SPPL3: variants seen among roughly 807,000 people sequenced by gnomAD.
SPPL3 encodes signal peptide peptidase-like 3.
In SPPL3, 5 loss-of-function variants were observed where a neutral mutation model predicts 42.4. That is an observed-to-expected ratio of 0.12 (90% CI 0.06 to 0.25). SPPL3 has a LOEUF of 0.25. Among genes scored for constraint, SPPL3 ranks in the 10% least tolerant of loss-of-function variants. SPPL3 has a pLI of 1.00. For synonymous variants in SPPL3, 195 were observed against 181.8 expected (o/e 1.07, Z -0.58); for missense variants, 235 against 489.0 (o/e 0.48, Z 4.90).
rs57779322 is a variant in SPPL3 at position 120,778,111 on chromosome 12, ATTTTTTT to A, written c.502+4537_502+4543del. 2.2e-4 allele frequency among the ~76,000 whole-genome samples: 20 copies of A among 90,946 alleles called. No individual in the cohort carries two copies. In the East Asian group the frequency reaches 5.5e-3, roughly 25 times the overall value. The allele number at this position is 90,946 out of a possible 152,430, so 59.7% of individuals were successfully genotyped here. A position where few individuals can be genotyped will look rare whatever the true frequency, so the allele number is the denominator to read the frequency against. The stretch of plus-strand genomic sequence containing the variant: ...TTATTTCCAAAATGACTGAAAAGCA[ATTTTTTT>A]TTTTTTTTTTTTTTTTGAGATGGAG... On this transcript the variant is annotated intron_variant, in intron 6 of 10. Coordinates refer to ENST00000353487, the MANE Select transcript of SPPL3 (RefSeq NM_139015.5).
intron 3 of SPPL3, among the ~76,000 whole-genome samples, chr12:120,789,457 A>AAAAAAAAAG (rs1478779248): frequency 2.0e-5 from 3 of 151,258 alleles, no homozygotes; most frequent in South Asian, 2.1e-4. Flanking sequence ...GTCTCAAAAA[A>AAAAAAAAAG]AAAAAGAAAA....
chr12:120,894,132 C>T (rs1873728201), intron 1 of SPPL3, among the ~76,000 whole-genome samples: 1 of 152,152 alleles, frequency 6.6e-6, no homozygotes, highest in Non-Finnish European at 1.5e-5. Context: ...CACAACCGGC[C>T]TGACCAACAT....
intron 1 of SPPL3, among the ~76,000 whole-genome samples, chr12:120,866,017 G>A (rs12367037): frequency 0.32 from 48,865 of 152,064 alleles, 9,425 homozygotes; most frequent in Middle Eastern, 0.45. Context: ...TCTAATGCCC[G>A]ATGATCTGTC....
chr12:120,887,668 C>T (rs1011662443), intron 1 of SPPL3, among the ~76,000 whole-genome samples: 4 of 152,196 alleles, frequency 2.6e-5, no homozygotes, highest in Non-Finnish European at 4.4e-5. Flanking sequence ...GTTCTTGACA[C>T]AAGATTTTTA....
chr12:120,819,723 T>C (rs1487411369), intron 1 of SPPL3, among the ~76,000 whole-genome samples: 2 of 152,316 alleles, frequency 1.3e-5, no homozygotes, highest in African/African-American at 2.4e-5. Context: ...ATTTTATCAT[T>C]AAAAATTTCC....
At chr12:120,899,994 G>C (rs1211417251) in intron 1 of SPPL3, among the ~76,000 whole-genome samples, 5 of 150,844 alleles carry the variant, frequency 3.3e-5, no homozygotes, top group African/African-American at 1.2e-4. Flanking sequence ...GATTTTGATA[G>C]AATTTGCTAG....
intron 2 of SPPL3, among the ~76,000 whole-genome samples, chr12:120,805,355 C>A (rs974728074): frequency 2.0e-5 from 3 of 152,160 alleles, no homozygotes; most frequent in African/African-American, 4.8e-5. Flanking sequence ...AAACTCTCCA[C>A]AAACTAGAAA....
chr12:120,875,444 A>G (rs1873054965), intron 1 of SPPL3, among the ~76,000 whole-genome samples: 1 of 152,110 alleles, frequency 6.6e-6, no homozygotes, highest in South Asian at 2.1e-4. Context: ...CCTGGCCAAC[A>G]TGGTGAAACC....
chr12:120,876,718 T>A (rs1443498046), intron 1 of SPPL3, among the ~76,000 whole-genome samples: 1 of 150,090 alleles, frequency 6.7e-6, no homozygotes, highest in Non-Finnish European at 1.5e-5. Flanking sequence ...TAAAAAGTGC[T>A]TAGAGGGAAA....
chr12:120,898,078 G>A (rs1316619427), intron 1 of SPPL3, among the ~76,000 whole-genome samples: 11 of 151,990 alleles, frequency 7.2e-5, no homozygotes, highest in Non-Finnish European at 1.3e-4. Flanking sequence ...TTGGGAGGCC[G>A]AGGTGGGTGG....
chr12:120,771,490 T>C (rs1869120275), intron 6 of SPPL3, among the ~76,000 whole-genome samples: 1 of 152,254 alleles, frequency 6.6e-6, no homozygotes, highest in African/African-American at 2.4e-5. Flanking sequence ...TGCAATTACA[T>C]TTAAGATCAT....
intron 6 of SPPL3, among the ~76,000 whole-genome samples, chr12:120,781,648 A>G (rs1592959259): frequency 7.6e-6 from 1 of 132,228 alleles, no homozygotes; most frequent in South Asian, 2.4e-4. Context: ...ATCTTGGCTC[A>G]CTGCAAGCTC....
chr12:120,828,690 T>C (rs183893178), intron 1 of SPPL3, among the ~76,000 whole-genome samples: 45 of 152,320 alleles, frequency 3.0e-4, no homozygotes, highest in African/African-American at 8.9e-4. Flanking sequence ...CAATGGAACA[T>C]AGATTCCAGA....
At chr12:120,825,912 A>AT (rs1871217885) in intron 1 of SPPL3, among the ~76,000 whole-genome samples, 1 of 149,212 alleles carries the variant, frequency 6.7e-6, no homozygotes, top group Non-Finnish European at 1.5e-5. Flanking sequence ...GTCACAAACT[A>AT]TATTTTGAAA....
At chr12:120,809,681 T>A (rs1870617810) in intron 2 of SPPL3, among the ~76,000 whole-genome samples, 1 of 152,154 alleles carries the variant, frequency 6.6e-6, no homozygotes, top group South Asian at 2.1e-4. Flanking sequence ...GTGTCTATAT[T>A]TTCCCTCCTA....
intron 2 of SPPL3, among the ~76,000 whole-genome samples, chr12:120,793,946 C>A (rs1249590602): frequency 1.3e-5 from 2 of 152,196 alleles, no homozygotes; most frequent in African/African-American, 4.8e-5. Flanking sequence ...TTGAAATCCA[C>A]TGTATCTTCA....
chr12:120,768,836 G>A (rs1396728941), intron 7 of SPPL3, 117 bp downstream of exon 7: 10 of 829,310 alleles, frequency 1.2e-5, no homozygotes, highest in South Asian at 1.0e-4. Flanking sequence ...ACTGGAGAGA[G>A]AGTGATCAGC....
chr12:120,860,408 G>A (rs1313350895), intron 1 of SPPL3, among the ~76,000 whole-genome samples: 1 of 152,148 alleles, frequency 6.6e-6, no homozygotes, highest in African/African-American at 2.4e-5. Context: ...AAGTAAATAA[G>A]TTGTATAAAT....
chr12:120,888,444 T>C (rs1873532806), intron 1 of SPPL3, among the ~76,000 whole-genome samples: 1 of 152,030 alleles, frequency 6.6e-6, no homozygotes, highest in South Asian at 2.1e-4. Flanking sequence ...GTGCATAAGC[T>C]GAATGTGGTA....
Sources: gnomAD v4.1 joint callset for allele counts (sites outside exome capture counted in the v4.1 genomes callset) on GRCh38, gnomAD v4.1.1 for gene constraint, MANE v1.5 for transcripts, NCBI Gene and HGNC (gene_info 2026-07-23, HGNC 2026-07-21) for gene names.